The following MTCL2 variants were observed in gnomAD, a reference collection of about 807,000 sequenced individuals.
MTCL2 encodes microtubule crosslinking factor 2, also known as microtubule cross-linking factor 2.
chr20:36,853,706 T>A, the MTCL2 span, among the ~76,000 whole-genome samples: 10 of 31,754 alleles, frequency 3.1e-4, no homozygotes, highest in African/African-American at 1.4e-3. Context: ...GGGAGGGGTG[T>A]GTGTGTGTGT....
the MTCL2 span, chr20:36,805,030 C>T: frequency 1.0e-6 from 1 of 968,262 alleles, no homozygotes. Flanking sequence ...CCACAACCTC[C>T]CTAGGTCATC....
the MTCL2 span, among the ~76,000 whole-genome samples, chr20:36,799,494 A>T: frequency 6.8e-6 from 1 of 147,008 alleles, no homozygotes; most frequent in Non-Finnish European, 1.5e-5. Flanking sequence ...CTCCATCTCA[A>T]AAATAAATAA....
At chr20:36,812,471 A>C in the MTCL2 span, among the ~76,000 whole-genome samples, 1 of 152,260 alleles carries the variant, frequency 6.6e-6, no homozygotes, top group Non-Finnish European at 1.5e-5. Flanking sequence ...TTAGTACAGA[A>C]GAAAAAATAA....
the MTCL2 span, among the ~76,000 whole-genome samples, chr20:36,813,335 A>T: frequency 6.7e-6 from 1 of 149,920 alleles, no homozygotes; most frequent in Admixed American, 6.6e-5. Flanking sequence ...AAAAAAAAAA[A>T]AAAAGGCAAT....
At chr20:36,815,480 A>G in the MTCL2 span, 48 of 1,598,064 alleles carry the variant, frequency 3.0e-5, no homozygotes, top group Admixed American at 2.1e-4. The surrounding 1 kb of genome is among the most constrained non-coding windows in gnomAD (Gnocchi z 5.3). Context: ...CTCTCAGCCC[A>G]GGCAGCACCT....
At chr20:36,845,196 T>C in the MTCL2 span, among the ~76,000 whole-genome samples, 1 of 152,242 alleles carries the variant, frequency 6.6e-6, no homozygotes, top group Admixed American at 6.5e-5. Flanking sequence ...CAGAAACTCC[T>C]AGGGTGAGCC....
the MTCL2 span, among the ~76,000 whole-genome samples, chr20:36,796,425 T>A: frequency 6.6e-6 from 1 of 152,030 alleles, no homozygotes; most frequent in African/African-American, 2.4e-5. Flanking sequence ...CTTTCATGGG[T>A]TTCCTAACAG....
At chr20:36,827,942 C>A in the MTCL2 span, among the ~76,000 whole-genome samples, 2 of 152,222 alleles carry the variant, frequency 1.3e-5, no homozygotes, top group Non-Finnish European at 2.9e-5. Flanking sequence ...CCCTTAGCAG[C>A]AAACGCCTCC....
chr20:36,821,268 T>A, the MTCL2 span, among the ~76,000 whole-genome samples: 1 of 152,174 alleles, frequency 6.6e-6, no homozygotes, highest in African/African-American at 2.4e-5. Context: ...ACGCCTATAA[T>A]CCCAGCACTT....
chr20:36,804,712 C>T, the MTCL2 span: 13 of 1,608,002 alleles, frequency 8.1e-6, no homozygotes, highest in East Asian at 2.2e-5. Context: ...AGGGGAGAGG[C>T]GTCTGACAGG....
chr20:36,815,551 C>A, the MTCL2 span: 7 of 1,571,756 alleles, frequency 4.5e-6, no homozygotes, highest in Non-Finnish European at 6.0e-6. This position sits in a 1 kb window ranked among gnomAD's most constrained non-coding sequence, Gnocchi z 5.3. Flanking sequence ...CCCAGGGGAG[C>A]AGGCACACAC....
the MTCL2 span, among the ~76,000 whole-genome samples, chr20:36,861,076 T>C: frequency 1.3e-5 from 2 of 152,302 alleles, no homozygotes; most frequent in African/African-American, 4.8e-5. Flanking sequence ...CCCATCCCCC[T>C]TCACCAGAGT....
the MTCL2 span, chr20:36,839,110 G>A: frequency 1.0e-6 from 1 of 995,026 alleles, no homozygotes; most frequent in South Asian, 1.5e-5. This position sits in a 1 kb window ranked among gnomAD's most constrained non-coding sequence, Gnocchi z 5.1. Flanking sequence ...CAGAGAGGTG[G>A]TAGAACTTGG....
At chr20:36,816,299 A>G in the MTCL2 span, 105 of 1,581,398 alleles carry the variant, frequency 6.6e-5, 1 homozygote, top group Middle Eastern at 1.2e-3. Context: ...TCAGGTCTGC[A>G]CTGTCCTCCT....
the MTCL2 span, among the ~76,000 whole-genome samples, chr20:36,790,061 G>A: frequency 1.4e-5 from 2 of 147,074 alleles, no homozygotes; most frequent in African/African-American, 2.5e-5. Flanking sequence ...GCGCGATCTC[G>A]GCTCACTGCA....
chr20:36,785,244 A>G, the MTCL2 span: 2 of 985,296 alleles, frequency 2.0e-6, no homozygotes, highest in South Asian at 4.7e-5. Context: ...CTGGCTGCCA[A>G]GCGGCCTCGT....
At chr20:36,798,215 G>T in the MTCL2 span, among the ~76,000 whole-genome samples, 1 of 152,052 alleles carries the variant, frequency 6.6e-6, no homozygotes, top group Non-Finnish European at 1.5e-5. Context: ...CATTTACAGG[G>T]ATGAGCCACC....
At chr20:36,857,207 T>A in the MTCL2 span, among the ~76,000 whole-genome samples, 4 of 152,184 alleles carry the variant, frequency 2.6e-5, no homozygotes, top group Admixed American at 2.6e-4. Flanking sequence ...TCTGAGTGTG[T>A]CTGCAGGATG....
At chr20:36,847,566 T>C in the MTCL2 span, among the ~76,000 whole-genome samples, 7 of 151,760 alleles carry the variant, frequency 4.6e-5, no homozygotes, top group East Asian at 1.4e-3. Flanking sequence ...AAAGAATGAG[T>C]ATGGGGCCAG....
Sources: allele counts gnomAD v4.1 joint callset (sites outside exome capture counted in the v4.1 genomes callset), GRCh38; gene constraint gnomAD v4.1.1; non-coding constraint Gnocchi (gnomAD v3.1); transcripts MANE v1.5; gene names NCBI Gene and HGNC (gene_info 2026-07-23, HGNC 2026-07-21).